Variants in KDM4C observed in about 807,000 individuals in gnomAD.
KDM4C encodes the protein lysine demethylase 4C.
A neutral mutation model predicts 129.3 loss-of-function variants in KDM4C; 81 were observed. The ratio of observed to expected loss-of-function variants is 0.63; its 90% CI spans 0.52 to 0.75. KDM4C has a LOEUF of 0.75. Among genes scored for constraint, KDM4C ranks in the 30% least tolerant of loss-of-function variants. KDM4C has a pLI of 0.00. For missense variants in KDM4C, 1,457 were observed against 1,304.0 expected (o/e 1.12, Z -1.81); for synonymous variants, 573 against 456.1 (o/e 1.26, Z -3.26).
At chr9:6,838,971 T>C (rs1836393465) in intron 4 of KDM4C, among the ~76,000 whole-genome samples, 1 of 152,240 alleles carries the variant, frequency 6.6e-6, no homozygotes, top group South Asian at 2.1e-4. Context: ...GTGAAATGGA[T>C]TGAATTTTGA....
chr9:7,150,743 C>T (rs746724426), intron 19 of KDM4C, among the ~76,000 whole-genome samples: 1 of 152,146 alleles, frequency 6.6e-6, no homozygotes, highest in South Asian at 2.1e-4. Context: ...TAGTTATTGG[C>T]GTTTGTTATG....
intron 1 of KDM4C, among the ~76,000 whole-genome samples, chr9:6,732,142 G>A (rs137943582): frequency 1.7e-4 from 26 of 151,786 alleles, no homozygotes; most frequent in African/African-American, 4.3e-4. Context: ...CAAGGTGGGC[G>A]GATCACGAGG....
intron 1 of KDM4C, among the ~76,000 whole-genome samples, chr9:6,750,969 G>A (rs1818045980): frequency 6.6e-6 from 1 of 152,142 alleles, no homozygotes; most frequent in Non-Finnish European, 1.5e-5. Flanking sequence ...CACTGGGTGG[G>A]TACCTTGGTT....
intron 1 of KDM4C, among the ~76,000 whole-genome samples, chr9:6,772,302 A>G (rs1822016235): frequency 1.3e-5 from 2 of 151,612 alleles, no homozygotes; most frequent in South Asian, 4.2e-4. Flanking sequence ...GGTGCCTGCC[A>G]CCATGCCTGG....
chr9:7,048,189 G>A (rs753318189), intron 16 of KDM4C, among the ~76,000 whole-genome samples: 2 of 151,968 alleles, frequency 1.3e-5, no homozygotes, highest in South Asian at 2.1e-4. Flanking sequence ...GTGATAAGAC[G>A]TTCTCTTCCT....
At chr9:6,944,486 A>T (rs1027187472) in intron 8 of KDM4C, among the ~76,000 whole-genome samples, 4 of 152,070 alleles carry the variant, frequency 2.6e-5, no homozygotes, top group Non-Finnish European at 5.9e-5. Context: ...TCATCACCTA[A>T]ATTAGGGTAT....
chr9:7,138,813 C>T (rs1156729798), intron 19 of KDM4C, among the ~76,000 whole-genome samples: 2 of 151,946 alleles, frequency 1.3e-5, no homozygotes, highest in African/African-American at 4.8e-5. Context: ...GAGCCAAACC[C>T]TGTCTCTAAA....
intron 3 of KDM4C, among the ~76,000 whole-genome samples, chr9:6,808,460 CA>C (rs1830536529): frequency 7.6e-6 from 1 of 131,300 alleles, no homozygotes; most frequent in East Asian, 2.1e-4. Context: ...AAGGGCGGTG[CA>C]AGATGTGCTT....
chr9:7,093,700 T>C (rs1042791857), intron 17 of KDM4C, among the ~76,000 whole-genome samples: 1 of 152,246 alleles, frequency 6.6e-6, no homozygotes, highest in Non-Finnish European at 1.5e-5. Context: ...ACAATTTTGT[T>C]AAAGTACAGT....
intron 17 of KDM4C, among the ~76,000 whole-genome samples, chr9:7,057,614 A>T (rs963163688): frequency 6.6e-6 from 1 of 151,146 alleles, no homozygotes; most frequent in Non-Finnish European, 1.5e-5. Flanking sequence ...ATTAGCTGTT[A>T]TTCTCTTAAG....
At chr9:6,987,147 T>C (rs1437931951) in intron 11 of KDM4C, among the ~76,000 whole-genome samples, 1 of 152,164 alleles carries the variant, frequency 6.6e-6, no homozygotes, top group African/African-American at 2.4e-5. Flanking sequence ...CAATAGTTAA[T>C]ACCTCCTGGT....
intron 8 of KDM4C, among the ~76,000 whole-genome samples, chr9:6,943,268 A>G (rs1183995536): frequency 6.6e-6 from 1 of 152,186 alleles, no homozygotes; most frequent in Non-Finnish European, 1.5e-5. Context: ...AACTACAAAA[A>G]TATTTATAGT....
chr9:7,037,799 C>T (rs1388362841), intron 15 of KDM4C, among the ~76,000 whole-genome samples: 1 of 151,926 alleles, frequency 6.6e-6, no homozygotes, highest in African/African-American at 2.4e-5. Flanking sequence ...ATAACAGCTG[C>T]CTTATAGAGT....
intron 17 of KDM4C, among the ~76,000 whole-genome samples, chr9:7,052,428 G>A (rs535483099): frequency 1.9e-4 from 29 of 152,290 alleles, no homozygotes; most frequent in Middle Eastern, 3.4e-3. Context: ...TTATTTGCAC[G>A]TCAGGCTTAT....
chr9:7,033,624 G>T (rs1361080765), intron 15 of KDM4C, among the ~76,000 whole-genome samples: 1 of 152,164 alleles, frequency 6.6e-6, no homozygotes, highest in Non-Finnish European at 1.5e-5. Context: ...ATTTTTCTCT[G>T]TTCTTTCCTC....
intron 8 of KDM4C, among the ~76,000 whole-genome samples, chr9:6,930,277 C>T (rs986935790): frequency 6.6e-6 from 1 of 152,072 alleles, no homozygotes; most frequent in Non-Finnish European, 1.5e-5. Context: ...CTCAGAATAA[C>T]GCTGCCCCAT....
chr9:6,810,323 C>G (rs1030704254), intron 3 of KDM4C, among the ~76,000 whole-genome samples: 1 of 152,048 alleles, frequency 6.6e-6, no homozygotes, highest in Admixed American at 6.5e-5. Flanking sequence ...GTACACAGTG[C>G]TTGGTATAGT....
At chr9:7,005,573 T>A (rs905981817) in intron 12 of KDM4C, among the ~76,000 whole-genome samples, 1 of 152,122 alleles carries the variant, frequency 6.6e-6, no homozygotes, top group African/African-American at 2.4e-5. Context: ...TACCGAAATT[T>A]TGCAAACTCT....
At chr9:6,810,707 AC>A (rs1464977250) in intron 3 of KDM4C, among the ~76,000 whole-genome samples, 5 of 152,136 alleles carry the variant, frequency 3.3e-5, no homozygotes, top group Middle Eastern at 3.4e-3. Flanking sequence ...CCCTGTCTCT[AC>A]AAAAAATAAA....
Sources: gnomAD v4.1 joint callset for allele counts (sites outside exome capture counted in the v4.1 genomes callset) on GRCh38, gnomAD v4.1.1 for gene constraint, MANE v1.5 for transcripts, NCBI Gene and HGNC (gene_info 2026-07-23, HGNC 2026-07-21) for gene names.